The following COL4A3 variants were observed in gnomAD, a reference collection of about 807,000 sequenced individuals.
The protein encoded by COL4A3 is collagen type IV alpha 3 chain, also known as collagen alpha-3(IV) chain.
A neutral mutation model predicts 217.4 loss-of-function variants in COL4A3; 135 were observed. That is an observed-to-expected ratio of 0.62 (90% CI 0.54 to 0.72). The LOEUF is 0.72. Among genes scored for constraint, COL4A3 ranks in the 30% least tolerant of loss-of-function variants. The probability of loss-of-function intolerance (pLI) is 0.00; values close to 1 mark genes in which losing one functional copy is unlikely to be tolerated. For missense variants in COL4A3, 1,868 were observed against 2,119.9 expected (o/e 0.88, Z 2.33); for synonymous variants, 690 against 736.3 (o/e 0.94, Z 1.02).
intron 41 of COL4A3, among the ~76,000 whole-genome samples, chr2:227,296,714 A>C (rs2073042930): frequency 6.6e-6 from 1 of 152,236 alleles, no homozygotes; most frequent in Non-Finnish European, 1.5e-5. Context: ...TTTCTTTTAA[A>C]AGCATAAATT....
chr2:227,272,756 A>C (rs1288337423), intron 25 of COL4A3, among the ~76,000 whole-genome samples, 193 bp from the exon 26 acceptor site: 1 of 152,242 alleles, frequency 6.6e-6, no homozygotes, highest in Non-Finnish European at 1.5e-5. Context: ...AAATGTTGCT[A>C]AACTCCAAAG....
intron 1 of COL4A3, among the ~76,000 whole-genome samples, chr2:227,208,101 C>G (rs575166730): frequency 4.0e-5 from 6 of 150,902 alleles, no homozygotes; most frequent in African/African-American, 9.8e-5. Context: ...TTAACCAACT[C>G]TATTTTGCTT....
chr2:227,236,480 ATT>A (rs1403904125), intron 1 of COL4A3, among the ~76,000 whole-genome samples: 1 of 152,068 alleles, frequency 6.6e-6, no homozygotes, highest in Non-Finnish European at 1.5e-5. Flanking sequence ...AATATCTAGC[ATT>A]TCTTTTTTTA....
chr2:227,249,226 A>ATG (rs1225037194), intron 9 of COL4A3, among the ~76,000 whole-genome samples: 16 of 24,128 alleles, frequency 6.6e-4, no homozygotes, highest in Non-Finnish European at 1.1e-3. Context: ...ATATATATAT[A>ATG]TATATTTTTT....
intron 42 of COL4A3, 95 bp from the exon 43 acceptor site, chr2:227,298,587 G>A (rs1343427342): frequency 1.3e-6 from 2 of 1,532,342 alleles, no homozygotes; most frequent in African/African-American, 2.7e-5. Context: ...GCAATGCTAA[G>A]TGAAGGGTTT....
At chr2:227,256,110 C>A in intron 16 of COL4A3, 40 bp downstream of exon 16, 1 of 1,567,052 alleles carries the variant, frequency 6.4e-7, no homozygotes, top group South Asian at 1.1e-5. Context: ...GTAAAAATGT[C>A]AGTCCTACTA....
At chr2:227,284,044 C>T (rs1188621893) in intron 33 of COL4A3, among the ~76,000 whole-genome samples, 167 bp from the exon 34 acceptor site, 1 of 152,254 alleles carries the variant, frequency 6.6e-6, no homozygotes, top group Non-Finnish European at 1.5e-5. Context: ...GCTTACACCA[C>T]TACCCTTATG....
chr2:227,279,250 TTTG>T (rs143937055), intron 28 of COL4A3, among the ~76,000 whole-genome samples: 47,361 of 151,290 alleles, frequency 0.31, 7,702 homozygotes, highest in East Asian at 0.42. Context: ...GGCTAGTTTT[TTTG>T]TTGTTGTTTT....
intron 1 of COL4A3, among the ~76,000 whole-genome samples, chr2:227,200,655 A>C (rs140044712): frequency 4.1e-4 from 63 of 152,332 alleles, no homozygotes; most frequent in African/African-American, 1.5e-3. Flanking sequence ...GCAGGGCTAA[A>C]ATGTTTTGGG....
intron 48 of COL4A3, 140 bp from the exon 49 acceptor site, chr2:227,308,759 T>C (rs948177863): frequency 1.2e-6 from 1 of 867,172 alleles, no homozygotes; most frequent in Non-Finnish European, 1.9e-6. Flanking sequence ...TTTTCAATAC[T>C]ACATTTTGCA....
At chr2:227,177,808 C>G (rs2065733921) in intron 1 of COL4A3, among the ~76,000 whole-genome samples, 1 of 152,196 alleles carries the variant, frequency 6.6e-6, no homozygotes, top group African/African-American at 2.4e-5. Context: ...TCCCTGCCCA[C>G]AAGTCACTGA....
chr2:227,280,255 G>T (rs1382604128), intron 29 of COL4A3, among the ~76,000 whole-genome samples, 185 bp from the exon 30 acceptor site: 1 of 152,096 alleles, frequency 6.6e-6, no homozygotes, highest in African/African-American at 2.4e-5. Context: ...AAAAGTGGAG[G>T]CTACATATCC....
chr2:227,209,361 C>T (rs762700704), intron 1 of COL4A3, among the ~76,000 whole-genome samples: 14 of 152,230 alleles, frequency 9.2e-5, no homozygotes, highest in Non-Finnish European at 1.8e-4. Flanking sequence ...AGGTCCTCAG[C>T]AGGCCTGAAC....
intron 31 of COL4A3, among the ~76,000 whole-genome samples, 179 bp downstream of exon 31, chr2:227,281,185 C>T (rs1178446236): frequency 6.6e-6 from 1 of 152,118 alleles, no homozygotes. Flanking sequence ...GTAGTGTGTA[C>T]CACCTATAAA....
At position 227,290,096 on chromosome 2, in the gene COL4A3, A is replaced by G. The variant is rs1395799536; in HGVS notation, c.3070+8A>G. ...GGAACATGGGCATGCCAGGTAATGC[A>G]TAAGGTCCTGTTATGAGCCCACAAG... is the stretch of plus-strand genomic sequence containing the variant. On this transcript the variant is annotated splice_region_variant and intron_variant, in intron 36 of 51. Transcript: ENST00000396578. 2.2e-5 allele frequency: 35 copies of G among 1,613,150 alleles called. No homozygotes were observed. Among genetic ancestry groups the G allele is most frequent in the Non-Finnish European group, 2.9e-5 (34 of 1,179,190 alleles).
At position 227,191,108 on chromosome 2, in the gene COL4A3, A is replaced by C. The variant is rs2066223035; in HGVS notation, c.87+26295A>C. Among the ~76,000 whole-genome samples the C allele has an allele frequency of 6.6e-6, 1 of 152,178 alleles. No individual in the cohort carries two copies. The highest frequency in any genetic ancestry group is 1.5e-5 in the Non-Finnish European group (1 of 68,026). ...CTTAAAAATAGACTACATAAATAATACGTATATGGCCATGGAAACAATTTT... is the reference window on the plus strand; with the variant it reads ...CTTAAAAATAGACTACATAAATAATCCGTATATGGCCATGGAAACAATTTT... On this transcript the variant is annotated intron_variant, in intron 1 of 51. Transcript: ENST00000396578. This position sits in a 1 kb window ranked among gnomAD's most constrained non-coding sequence, Gnocchi z 6.8.
rs373562519 is a variant in COL4A3, at chr2:227,256,574, G to A, written c.987+178G>A. On this transcript the variant is annotated intron_variant, in intron 17 of 51. Coordinates refer to ENST00000396578, the MANE Select transcript of COL4A3 (RefSeq NM_000091.5). ...GCAACTTTACTTAAACATTTGAAGG[G>A]TGTTCTTGAGGAAAAGGTATTAAAC... is the stretch of plus-strand genomic sequence containing the variant. 3.3e-5 allele frequency: 25 copies of A among 762,378 alleles called. No homozygotes were observed. The African/African-American group carries it at 3.7e-4, about 11-fold the overall frequency. The allele number at this position is 762,378 out of a possible 1,614,324, so 47.2% of individuals were successfully genotyped here.
At chr2:227,308,381 T>G (rs1425079530) in intron 48 of COL4A3, among the ~76,000 whole-genome samples, 1 of 152,090 alleles carries the variant, frequency 6.6e-6, no homozygotes, top group Non-Finnish European at 1.5e-5. Context: ...CCAAGCTAAT[T>G]TTTTTGATTT....
intron 1 of COL4A3, among the ~76,000 whole-genome samples, chr2:227,197,603 G>A (rs10498216): frequency 0.036 from 5,493 of 152,112 alleles, 273 homozygotes; most frequent in African/African-American, 0.11. Context: ...TGTATTTATA[G>A]AATTGACCAT....
Sources: allele counts gnomAD v4.1 joint callset (sites outside exome capture counted in the v4.1 genomes callset), GRCh38; gene constraint gnomAD v4.1.1; non-coding constraint Gnocchi (gnomAD v3.1); transcripts MANE v1.5; gene names NCBI Gene and HGNC (gene_info 2026-07-23, HGNC 2026-07-21).